Variants in KCNH7 observed in about 807,000 individuals in gnomAD.
The protein encoded by KCNH7 is potassium voltage-gated channel subfamily H member 7.
A neutral mutation model predicts 120.8 loss-of-function variants in KCNH7; 49 were observed. That is an observed-to-expected ratio of 0.41 (90% CI 0.32 to 0.51). KCNH7 has a LOEUF of 0.51. Among genes scored for constraint, KCNH7 ranks in the 20% least tolerant of loss-of-function variants. KCNH7 has a pLI of 0.38. For synonymous variants in KCNH7, 547 were observed against 516.1 expected (o/e 1.06, Z -0.81); for missense variants, 1,097 against 1,446.6 (o/e 0.76, Z 3.92).
At chr2:162,784,893 C>T (rs1434172299) in intron 2 of KCNH7, 1 of 152,172 alleles carries the variant, frequency 6.6e-6, no homozygotes, top group Non-Finnish European at 1.5e-5. Context: ...TTATCCCATA[C>T]TAGCCACAAT....
intron 6 of KCNH7, among the ~76,000 whole-genome samples, chr2:162,479,741 A>G (rs1689866331): frequency 1.3e-5 from 2 of 151,808 alleles, no homozygotes; most frequent in Admixed American, 1.3e-4. Flanking sequence ...GAGTGAAATC[A>G]GATATCAAAA....
At chr2:162,620,151 GATATATAT>G (rs72479668) in intron 2 of KCNH7, among the ~76,000 whole-genome samples, 1 of 135,598 alleles carries the variant, frequency 7.4e-6, no homozygotes, top group Non-Finnish European at 1.6e-5. Flanking sequence ...GAGAAATATA[GATATATAT>G]ATAGAGAGAG....
intron 8 of KCNH7, among the ~76,000 whole-genome samples, chr2:162,431,094 A>G (rs1688049772): frequency 6.6e-6 from 1 of 152,096 alleles, no homozygotes; most frequent in Non-Finnish European, 1.5e-5. Flanking sequence ...TTAAAAATGC[A>G]TATAACAATC....
intron 2 of KCNH7, among the ~76,000 whole-genome samples, chr2:162,793,530 G>C (rs1251964080): frequency 1.3e-5 from 2 of 151,458 alleles, no homozygotes; most frequent in African/African-American, 4.9e-5. Flanking sequence ...TAACCAAAGA[G>C]GTAAAAAGAT....
chr2:162,809,586 A>G (rs1206516036), intron 2 of KCNH7, among the ~76,000 whole-genome samples: 1 of 152,194 alleles, frequency 6.6e-6, no homozygotes, highest in Non-Finnish European at 1.5e-5. Context: ...AATATCAGAA[A>G]TACATTTTGC....
chr2:162,397,659 G>A (rs1033661024), intron 10 of KCNH7, among the ~76,000 whole-genome samples: 1 of 151,686 alleles, frequency 6.6e-6, no homozygotes, highest in African/African-American at 2.4e-5. Context: ...GCTTTTCAAG[G>A]TCTTATTCCA....
intron 2 of KCNH7, among the ~76,000 whole-genome samples, chr2:162,661,118 A>G (rs1235491052): frequency 6.6e-6 from 1 of 152,220 alleles, no homozygotes; most frequent in Non-Finnish European, 1.5e-5. Context: ...GCAAGATTCA[A>G]TGTGACAATA....
rs144833803 is a variant in KCNH7, at chr2:162,733,073, T to C, written c.307+103464A>G. Among the ~76,000 whole-genome samples, 91 of 152,252 alleles carry C rather than the reference T, an allele frequency of 6.0e-4. 1 individual carries two copies. Among genetic ancestry groups the C allele is most frequent in the African/African-American group, 2.2e-3 (90 of 41,566 alleles). On this transcript the variant is annotated intron_variant, in intron 2 of 15. Coordinates refer to ENST00000332142, the MANE Select transcript of KCNH7 (RefSeq NM_033272.4). Reference sequence around the variant, plus strand: ...CTGATATAAATTCTTATACTACACATGGTATTAGAGCTCTGGGGCCAGGAC... The same window carrying C: ...CTGATATAAATTCTTATACTACACACGGTATTAGAGCTCTGGGGCCAGGAC...
At chr2:162,586,847 T>G (rs1037608917) in intron 2 of KCNH7, among the ~76,000 whole-genome samples, 2 of 152,070 alleles carry the variant, frequency 1.3e-5, no homozygotes, top group African/African-American at 4.8e-5. Context: ...TAAGAAATAT[T>G]TATGTCAACT....
intron 2 of KCNH7, among the ~76,000 whole-genome samples, chr2:162,554,553 T>G (rs936533674): frequency 9.2e-5 from 14 of 152,282 alleles, no homozygotes; most frequent in South Asian, 2.1e-4. Context: ...TTTCTAGCTT[T>G]CTAGAGGCCA....
intron 2 of KCNH7, among the ~76,000 whole-genome samples, chr2:162,670,828 A>C (rs534303940): frequency 6.6e-6 from 1 of 152,242 alleles, no homozygotes; most frequent in South Asian, 2.1e-4. Flanking sequence ...GAAAGAAATA[A>C]AACAAATAAA....
chr2:162,510,750 G>A (rs1230653382), intron 5 of KCNH7, among the ~76,000 whole-genome samples: 1 of 151,620 alleles, frequency 6.6e-6, no homozygotes, highest in Non-Finnish European at 1.5e-5. Context: ...TAGAAGCAAA[G>A]TCAAAAGAAT....
At chr2:162,459,796 G>A (rs921266369) in intron 6 of KCNH7, among the ~76,000 whole-genome samples, 14 of 151,924 alleles carry the variant, frequency 9.2e-5, no homozygotes, top group Admixed American at 3.9e-4. Context: ...GGTGAATAGC[G>A]GTAAAGAAAT....
At chr2:162,653,510 G>A (rs1305709758) in intron 2 of KCNH7, among the ~76,000 whole-genome samples, 1 of 152,066 alleles carries the variant, frequency 6.6e-6, no homozygotes, top group African/African-American at 2.4e-5. Flanking sequence ...TAACCAAGGA[G>A]GTGAAAGATC....
chr2:162,713,641 ATTAT>A (rs1465803121), intron 2 of KCNH7, among the ~76,000 whole-genome samples: 4 of 152,222 alleles, frequency 2.6e-5, no homozygotes, highest in Admixed American at 6.5e-5. Context: ...TCGATAAAAA[ATTAT>A]TTAATTTAAA....
chr2:162,809,581 CA>C (rs1684662378), intron 2 of KCNH7, among the ~76,000 whole-genome samples: 1 of 152,068 alleles, frequency 6.6e-6, no homozygotes, highest in Non-Finnish European at 1.5e-5. Flanking sequence ...CTTGAAATAT[CA>C]GAAATACATT....
intron 2 of KCNH7, among the ~76,000 whole-genome samples, chr2:162,641,319 C>A (rs919535640): frequency 6.6e-6 from 1 of 152,094 alleles, no homozygotes; most frequent in Non-Finnish European, 1.5e-5. Flanking sequence ...GAATACTACT[C>A]AACAATAAAA....
intron 3 of KCNH7, among the ~76,000 whole-genome samples, chr2:162,535,966 A>G (rs1208497547): frequency 6.6e-6 from 1 of 151,804 alleles, no homozygotes; most frequent in East Asian, 1.9e-4. Context: ...AGCCATTGAG[A>G]ACAAGATAAA....
chr2:162,497,218 T>G (rs899915452), intron 6 of KCNH7, among the ~76,000 whole-genome samples: 1 of 152,164 alleles, frequency 6.6e-6, no homozygotes, highest in African/African-American at 2.4e-5. Flanking sequence ...TGAGTCACAA[T>G]GAAGAGATAA....
Sources: gnomAD v4.1 joint callset for allele counts (sites outside exome capture counted in the v4.1 genomes callset) on GRCh38, gnomAD v4.1.1 for gene constraint, MANE v1.5 for transcripts, NCBI Gene and HGNC (gene_info 2026-07-23, HGNC 2026-07-21) for gene names.